TBK1: variants seen among roughly 807,000 people sequenced by gnomAD.
The protein encoded by TBK1 is TANK binding kinase 1.
TBK1 carries 37 observed loss-of-function variants against 99.9 expected under a neutral mutation model. The observed-to-expected ratio is 0.37, with a 90% CI of 0.28 to 0.49. The LOEUF (loss-of-function observed/expected upper bound fraction) is 0.49, where lower values mean the gene tolerates loss of function less well. TBK1 is among the 20% of genes least tolerant of loss of function. The pLI is 0.98. For synonymous variants in TBK1, 258 were observed against 279.8 expected (o/e 0.92, Z 0.78); for missense variants, 644 against 872.5 (o/e 0.74, Z 3.30).
intron 1 of TBK1, among the ~76,000 whole-genome samples, chr12:64,455,527 A>T (rs918525600): frequency 3.3e-5 from 5 of 152,218 alleles, no homozygotes; most frequent in African/African-American, 1.2e-4. Flanking sequence ...TTAAGCACAG[A>T]AAGTGATATT....
Position 64,474,722 on chromosome 12 carries a change from G to GAA in TBK1, c.701+339_701+340dup, listed in dbSNP as rs202214653. Among the ~76,000 whole-genome samples the GAA allele has an allele frequency of 5.9e-5, 9 of 151,584 alleles. No homozygotes were observed. In the South Asian group the frequency reaches 1.9e-3, roughly 32 times the overall value. On this transcript the variant is annotated intron_variant, in intron 6 of 20. Coordinates refer to ENST00000331710, the MANE Select transcript of TBK1 (RefSeq NM_013254.4). The stretch of plus-strand genomic sequence containing the variant: ...GTCAGCACTTTCCTCCCATACAACT[G>GAA]AAAAAAAATACATAGTTCTGTGGAG...
At chr12:64,474,625 T>C (rs923064022) in intron 6 of TBK1, among the ~76,000 whole-genome samples, 21 of 152,208 alleles carry the variant, frequency 1.4e-4, no homozygotes, top group Non-Finnish European at 1.5e-4. Flanking sequence ...ATTCAGTCTT[T>C]GGCCCATCAT....
intron 5 of TBK1, among the ~76,000 whole-genome samples, chr12:64,468,727 AATAAG>A (rs1363739615): frequency 6.6e-6 from 1 of 152,212 alleles, no homozygotes; most frequent in Non-Finnish European, 1.5e-5. Flanking sequence ...AAATTAAGGT[AATAAG>A]ATAAAGAGTG....
chr12:64,487,326 A>G (rs568238936), intron 11 of TBK1, among the ~76,000 whole-genome samples: 14 of 152,320 alleles, frequency 9.2e-5, no homozygotes, highest in Admixed American at 2.0e-4. Flanking sequence ...GTGCCCTTGG[A>G]CTGTAATGCT....
Position 64,483,993 on chromosome 12 carries a change from C to T in TBK1, c.993-310C>T, listed in dbSNP as rs867645688. The T allele has an allele frequency of 1.1e-3, 173 of 155,094 alleles. 4 individuals are homozygous for T. The highest frequency in any genetic ancestry group is 8.1e-3 in the South Asian group (39 of 4,834). 9.6% of individuals were successfully genotyped at this position (155,094 alleles called of 1,614,324 possible). On this transcript the variant is annotated intron_variant, in intron 8 of 20. Transcript: ENST00000331710. ...CTGCACTCCATCCTGGGCAACAGAG[C>T]GAAACTCTGTCTCACATACACACAC...
In TBK1 at chr12:64,488,600, A is replaced by G. The variant is rs772021058; in HGVS notation, c.1442+12A>G. On this transcript the variant is annotated intron_variant, in intron 12 of 20. Transcript: ENST00000331710. ...AAAACTGTGAAAGTGTGAGTAGACT[A>G]CTTCCTTACTAGTAGGGGTTAAATT... 3 of 1,510,542 alleles carry G rather than the reference A, an allele frequency of 2.0e-6. No homozygotes were observed. Among genetic ancestry groups the G allele is most frequent in the Non-Finnish European group, 2.7e-6 (3 of 1,101,228 alleles). The allele number at this position is 1,510,542 out of a possible 1,614,324, so 93.6% of individuals were successfully genotyped here. A position where few individuals can be genotyped will look rare whatever the true frequency, so the allele number is the denominator to read the frequency against.
chr12:64,495,764 AAGC>A lies in TBK1; in HGVS notation c.1712_1714del (p.Ala571del). The stretch of plus-strand genomic sequence containing the variant: ...ATTTACTATCAGTTCAAAAAAGACA[AAGC>A]AGAACGTAGTAAGTAAAATTTGCTA... On this transcript the variant is annotated inframe_deletion, in exon 15 of 21. Transcript: ENST00000331710. 1 of 1,588,266 alleles carries A rather than the reference AAGC, an allele frequency of 6.3e-7. No homozygotes were observed. Among genetic ancestry groups the A allele is most frequent in the Non-Finnish European group, 8.5e-7 (1 of 1,170,204 alleles).
At chr12:64,481,478 T>C (rs1438586998) in intron 7 of TBK1, among the ~76,000 whole-genome samples, 1 of 152,180 alleles carries the variant, frequency 6.6e-6, no homozygotes, top group Non-Finnish European at 1.5e-5. Context: ...GTAATGGGTC[T>C]TGGCACGGTG....
chr12:64,460,061 T>C, intron 2 of TBK1, 128 bp from the exon 3 acceptor site: 1 of 541,758 alleles, frequency 1.8e-6, no homozygotes. Flanking sequence ...CTCATACAGA[T>C]TCCCTGTGCC....
chr12:64,468,392 G>GCAA (rs1347743578), intron 5 of TBK1, among the ~76,000 whole-genome samples: 2 of 151,854 alleles, frequency 1.3e-5, no homozygotes, highest in Non-Finnish European at 2.9e-5. Context: ...ACTTTGGGAG[G>GCAA]TTGAGGCAGA....
intron 3 of TBK1, among the ~76,000 whole-genome samples, chr12:64,463,698 C>CAAA (rs58483035): frequency 7.0e-5 from 9 of 128,096 alleles, no homozygotes; most frequent in African/African-American, 1.2e-4. Flanking sequence ...GACTCTGTCT[C>CAAA]AAAAAAAAAA....
At position 64,479,883 on chromosome 12, in the gene TBK1, G is replaced by T. The variant is rs985839782; in HGVS notation, c.702-129G>T. 5.1e-6 allele frequency: 3 copies of T among 586,794 alleles called. No homozygotes were observed. In the African/African-American group the frequency reaches 5.6e-5, roughly 11 times the overall value. 36.3% of individuals were successfully genotyped at this position (586,794 alleles called of 1,614,324 possible). On this transcript the variant is annotated intron_variant, in intron 6 of 20. Coordinates refer to ENST00000331710, the MANE Select transcript of TBK1 (RefSeq NM_013254.4). Reference sequence around the variant, plus strand: ...ATTTTGATTGTTTTATGGATCCTGTGAGCATCAATCACAAAGTTTCATCTA... The same window carrying T: ...ATTTTGATTGTTTTATGGATCCTGTTAGCATCAATCACAAAGTTTCATCTA...
At chr12:64,487,047 A>T (rs1403285861) in intron 11 of TBK1, among the ~76,000 whole-genome samples, 1 of 152,240 alleles carries the variant, frequency 6.6e-6, no homozygotes, top group African/African-American at 2.4e-5. Context: ...TCTAGTTCAG[A>T]ATAACTGGTT....
intron 16 of TBK1, among the ~76,000 whole-genome samples, 186 bp downstream of exon 16, chr12:64,496,592 A>T (rs1415027344): frequency 6.6e-6 from 1 of 152,226 alleles, no homozygotes; most frequent in Non-Finnish European, 1.5e-5. Flanking sequence ...TTGGGAAGTT[A>T]CCATGATGGG....
chr12:64,464,467 T>C lies in TBK1; in HGVS notation c.358+4T>C, dbSNP rs530405402. On this transcript the variant is annotated splice_donor_region_variant and intron_variant, in intron 4 of 20. Transcript: ENST00000331710. Reference sequence around the variant, plus strand: ...TTAATTGTTTTGCGAGATGTGGGTATGTTTGTTTATTTATATGATATCATT... The same window carrying C: ...TTAATTGTTTTGCGAGATGTGGGTACGTTTGTTTATTTATATGATATCATT... The C allele has an allele frequency of 4.7e-5, 74 of 1,564,518 alleles. No individual in the cohort carries two copies. The South Asian group carries it at 7.4e-4, about 16-fold the overall frequency.
intron 3 of TBK1, among the ~76,000 whole-genome samples, chr12:64,463,345 G>A (rs1474086477): frequency 9.3e-5 from 14 of 150,604 alleles, no homozygotes; most frequent in African/African-American, 2.7e-4. Context: ...GCGCCACTGC[G>A]CTCCAGCCTG....
chr12:64,468,874 A>T (rs753002002), intron 5 of TBK1, among the ~76,000 whole-genome samples: 4 of 152,090 alleles, frequency 2.6e-5, no homozygotes, highest in Non-Finnish European at 5.9e-5. Context: ...GCCCTGTGAA[A>T]GCTACCTCCC....
At chr12:64,477,680 G>A (rs11829815) in intron 6 of TBK1, among the ~76,000 whole-genome samples, 6,093 of 152,184 alleles carry the variant, frequency 0.04, 397 homozygotes, top group African/African-American at 0.14. Flanking sequence ...GAGACTTCTA[G>A]TACTATGTTG....
intron 11 of TBK1, among the ~76,000 whole-genome samples, chr12:64,487,995 C>T (rs991385583): frequency 6.6e-6 from 1 of 152,168 alleles, no homozygotes; most frequent in Admixed American, 6.5e-5. Flanking sequence ...CTCATTGGAA[C>T]ATTTTGGATT....
Sources: gnomAD v4.1 joint callset for allele counts (sites outside exome capture counted in the v4.1 genomes callset) on GRCh38, gnomAD v4.1.1 for gene constraint, MANE v1.5 for transcripts, NCBI Gene and HGNC (gene_info 2026-07-23, HGNC 2026-07-21) for gene names.